The following F5 variants were observed in gnomAD, a reference collection of about 807,000 sequenced individuals.
F5 encodes the protein coagulation factor V.
F5 carries 138 observed loss-of-function variants against 216.4 expected under a neutral mutation model. The ratio of observed to expected loss-of-function variants is 0.64; its 90% CI spans 0.56 to 0.73. The LOEUF is 0.73. Ranked by LOEUF, F5 falls within the 30% of genes least tolerant of loss-of-function variation. The pLI, the probability that F5 is intolerant of heterozygous loss-of-function variation, is 0.00. For missense variants in F5, 2,403 were observed against 2,674.0 expected (o/e 0.90, Z 2.24); for synonymous variants, 916 against 930.7 (o/e 0.98, Z 0.29).
At chr1:169,583,102 T>G (rs1661024981) in intron 1 of F5, among the ~76,000 whole-genome samples, 1 of 152,162 alleles carries the variant, frequency 6.6e-6, no homozygotes, top group African/African-American at 2.4e-5. Context: ...AGAACCAAGA[T>G]TAAAAAATGT....
At chr1:169,572,014 G>C (rs571183939) in intron 3 of F5, among the ~76,000 whole-genome samples, 4 of 152,118 alleles carry the variant, frequency 2.6e-5, no homozygotes, top group African/African-American at 9.7e-5. Flanking sequence ...TAAAGAGTAA[G>C]AACCCAGTGA....
chr1:169,523,765 G>A (rs746882392), intron 20 of F5, 36 bp downstream of exon 20: 11 of 1,463,236 alleles, frequency 7.5e-6, no homozygotes, highest in Admixed American at 1.7e-5. Flanking sequence ...TTATTATTAC[G>A]ATAGCAGTAA....
At chr1:169,581,580 C>G (rs909995525) in intron 2 of F5, among the ~76,000 whole-genome samples, 3 of 151,996 alleles carry the variant, frequency 2.0e-5, no homozygotes, top group African/African-American at 7.3e-5. Flanking sequence ...TCAGAAGAGG[C>G]AGGACAGACT....
chr1:169,514,524 T>TC, intron 24 of F5, 65 bp from the exon 25 acceptor site: 1 of 1,456,654 alleles, frequency 6.9e-7, no homozygotes, highest in Non-Finnish European at 9.5e-7. Context: ...TTGTTTTTGT[T>TC]TTTTTTTAGA....
chr1:169,552,503 C>G, intron 8 of F5, 54 bp downstream of exon 8: 2 of 1,435,478 alleles, frequency 1.4e-6, no homozygotes, highest in Non-Finnish European at 2.0e-6. Context: ...ACCAGGTACT[C>G]CATAATATTT....
At chr1:169,526,160 A>G in intron 17 of F5, 143 bp from the exon 18 acceptor site, 2 of 618,038 alleles carry the variant, frequency 3.2e-6, no homozygotes, top group Non-Finnish European at 5.8e-6. Context: ...TAGGACTGAA[A>G]GTATAACAGA....
chr1:169,514,581 T>C, intron 24 of F5, 122 bp from the exon 25 acceptor site: 1 of 789,946 alleles, frequency 1.3e-6, no homozygotes, highest in Non-Finnish European at 2.1e-6. Context: ...GGCACAGTCA[T>C]GGCTCACTGC....
At chr1:169,531,110 G>T in intron 14 of F5, 88 bp from the exon 15 acceptor site, 2 of 959,716 alleles carry the variant, frequency 2.1e-6, no homozygotes, top group South Asian at 1.3e-5. Context: ...AAAATGGCTG[G>T]TTATAAAATC....
chr1:169,569,193 A>G (rs1660671246), intron 3 of F5, among the ~76,000 whole-genome samples: 1 of 152,100 alleles, frequency 6.6e-6, no homozygotes, highest in Admixed American at 6.6e-5. Context: ...GAAAAAATGT[A>G]ATCACCTACA....
At chr1:169,568,608 C>G (rs371844180) in intron 3 of F5, among the ~76,000 whole-genome samples, 30 of 152,226 alleles carry the variant, frequency 2.0e-4, no homozygotes, top group African/African-American at 7.2e-4. Context: ...TGCTAGAGCA[C>G]AAGAAGTCCT....
chr1:169,560,779 C>A lies in F5; in HGVS notation c.374-13G>T. ...AGGTAAGAAGCACCTGGAGGAGTAA[C>A]AGCCATCAAGACATGTGGGCAGTTT... is the stretch of plus-strand genomic sequence containing the variant. On this transcript the variant is annotated splice_polypyrimidine_tract_variant and intron_variant, in intron 3 of 24. Coordinates refer to ENST00000367797, the MANE Select transcript of F5 (RefSeq NM_000130.5). 2 of 1,611,148 alleles carry A rather than the reference C, an allele frequency of 1.2e-6. No homozygotes were observed. Among genetic ancestry groups the A allele is most frequent in the South Asian group, 1.1e-5 (1 of 90,976 alleles).
At chr1:169,520,413 G>A (rs777678831) in intron 22 of F5, 107 bp downstream of exon 22, 2 of 1,379,436 alleles carry the variant, frequency 1.4e-6, no homozygotes, top group East Asian at 2.3e-5. Context: ...GTTTTCCTAG[G>A]AGCCTAAGTC....
chr1:169,583,169 G>A (rs903405760), intron 1 of F5, among the ~76,000 whole-genome samples: 8 of 152,252 alleles, frequency 5.3e-5, no homozygotes, highest in Admixed American at 1.3e-4. Context: ...ACAACAGGGA[G>A]AGTTGTGAGT....
At chr1:169,585,073 A>G (rs973399350) in intron 1 of F5, among the ~76,000 whole-genome samples, 1 of 152,220 alleles carries the variant, frequency 6.6e-6, no homozygotes, top group Non-Finnish European at 1.5e-5. Context: ...AGGCAAGATT[A>G]GTGTTAGAAG....
At chr1:169,571,347 A>G (rs1175296124) in intron 3 of F5, among the ~76,000 whole-genome samples, 7 of 152,154 alleles carry the variant, frequency 4.6e-5, no homozygotes, top group Non-Finnish European at 8.8e-5. Flanking sequence ...TACTCTACCT[A>G]AGTGACTTCA....
At chr1:169,585,996 A>G (rs1661094899) in intron 1 of F5, among the ~76,000 whole-genome samples, 1 of 152,216 alleles carries the variant, frequency 6.6e-6, no homozygotes, top group South Asian at 2.1e-4. Flanking sequence ...AGAAGGTAGC[A>G]TCTAACCAAT....
At chr1:169,583,425 C>T (rs1244110161) in intron 1 of F5, among the ~76,000 whole-genome samples, 5 of 152,154 alleles carry the variant, frequency 3.3e-5, no homozygotes, top group South Asian at 2.1e-4. Context: ...CTATACAGCG[C>T]GGTGGCTAGG....
chr1:169,550,837 G>T, intron 8 of F5, 98 bp from the exon 9 acceptor site: 1 of 844,498 alleles, frequency 1.2e-6, no homozygotes, highest in Non-Finnish European at 2.0e-6. Context: ...GATGGTGTGT[G>T]TGTATACATG....
At chr1:169,547,537 C>A (rs1020057110) in intron 10 of F5, among the ~76,000 whole-genome samples, 1 of 152,080 alleles carries the variant, frequency 6.6e-6, no homozygotes, top group Non-Finnish European at 1.5e-5. Context: ...AGGACAGGAA[C>A]AGACACTTTT....
Sources: gnomAD v4.1 joint callset for allele counts (sites outside exome capture counted in the v4.1 genomes callset) on GRCh38, gnomAD v4.1.1 for gene constraint, MANE v1.5 for transcripts, NCBI Gene and HGNC (gene_info 2026-07-23, HGNC 2026-07-21) for gene names.